The following CASP8 variants were observed in gnomAD, a reference collection of about 807,000 sequenced individuals.
CASP8 encodes the protein caspase 8.
Under a neutral mutation model 46.3 loss-of-function variants are expected in CASP8, and 24 were observed. That is an observed-to-expected ratio of 0.52 (90% CI 0.38 to 0.73). The LOEUF (loss-of-function observed/expected upper bound fraction) is 0.73, where lower values mean the gene tolerates loss of function less well. CASP8 is among the 30% of genes least tolerant of loss of function. The probability of loss-of-function intolerance (pLI) is 0.00; values close to 1 mark genes in which losing one functional copy is unlikely to be tolerated. For synonymous variants in CASP8, 188 were observed against 200.4 expected, an observed-to-expected ratio of 0.94 and a Z score of 0.52; for missense variants, 460 against 559.0, an observed-to-expected ratio of 0.82 and a Z score of 1.79.
intron 1 of CASP8, among the ~76,000 whole-genome samples, chr2:201,264,083 C>A (rs1947619009): frequency 6.6e-6 from 1 of 152,170 alleles, no homozygotes. Flanking sequence ...ATGTACTGAT[C>A]AATACATTAT....
chr2:201,272,846 A>G lies in CASP8; in HGVS notation c.551-52A>G. 1.2e-6 allele frequency: 2 copies of G among 1,613,598 alleles called. No individual in the cohort carries two copies. Among genetic ancestry groups the G allele is most frequent in the Non-Finnish European group, 1.7e-6 (2 of 1,179,452 alleles). On this transcript the variant is annotated intron_variant, in intron 4 of 8. Transcript: ENST00000673742. This position sits in a 1 kb window ranked among gnomAD's most constrained non-coding sequence, Gnocchi z 4.4. ...AATTGAAACTGACAAATCGCTCCATATCACAGTTGTTTCTAATCAAATATT... is the reference window on the plus strand; with the variant it reads ...AATTGAAACTGACAAATCGCTCCATGTCACAGTTGTTTCTAATCAAATATT...
intron 2 of CASP8, among the ~76,000 whole-genome samples, chr2:201,245,918 AGTGCAATG>A (rs1946497359): frequency 7.8e-6 from 1 of 128,158 alleles, no homozygotes; most frequent in Non-Finnish European, 1.5e-5. Context: ...CCCAGACTGG[AGTGCAATG>A]GTGCAATCTC....
In CASP8 at chr2:201,266,309, A is replaced by T; in HGVS notation, c.-26-152A>T. 3 of 658,614 alleles carry T rather than the reference A, an allele frequency of 4.6e-6. No individual in the cohort carries two copies. Among genetic ancestry groups the T allele is most frequent in the Non-Finnish European group, 5.3e-6 (2 of 379,234 alleles). 40.8% of individuals were successfully genotyped at this position (658,614 alleles called of 1,614,324 possible). A position where few individuals can be genotyped will look rare whatever the true frequency, so the allele number is the denominator to read the frequency against. On this transcript the variant is annotated intron_variant, in intron 1 of 8. Coordinates refer to ENST00000673742, the MANE Select transcript of CASP8 (RefSeq NM_001372051.1). The surrounding 1 kb of genome is among the most constrained non-coding windows in gnomAD (Gnocchi z 5.7). ...CTTGTTTGTATGTCTACCTTCCTAA[A>T]CAGTAAGAGGGAACTTGTCTGGTGT...
At chr2:201,234,378 C>T (rs35818142) in intron 2 of CASP8, among the ~76,000 whole-genome samples, 2,617 of 152,222 alleles carry the variant, frequency 0.017, 80 homozygotes, top group African/African-American at 0.06. Context: ...GTGGAGGAGC[C>T]GCAGGGGATA....
At chr2:201,233,870 C>T (rs565573003) in intron 1 of CASP8, 1 of 152,422 alleles carries the variant, frequency 6.6e-6, no homozygotes, top group East Asian at 1.9e-4. Context: ...CTGGCTGCTT[C>T]TAGAAGTCTG....
At chr2:201,258,326 A>G, upstream of CASP8, 3 of 1,613,894 alleles carry the variant, frequency 1.9e-6, no homozygotes, top group Non-Finnish European at 2.5e-6. Context: ...GAGCACGTGG[A>G]GTTAGGCAGG....
intron 5 of CASP8, 118 bp downstream of exon 5, chr2:201,273,060 T>TTC: frequency 4.2e-6 from 2 of 470,946 alleles, no homozygotes; most frequent in South Asian, 2.9e-5. Context: ...TACTTTTTCT[T>TTC]TTTTTTTTTT....
upstream of CASP8, among the ~76,000 whole-genome samples, chr2:201,259,758 T>C (rs545760999): frequency 1.1e-4 from 16 of 152,220 alleles, no homozygotes; most frequent in South Asian, 3.1e-3. Flanking sequence ...GATTTGCTTC[T>C]TTGATAAGAT....
chr2:201,239,155 C>T (rs1057407742), intron 2 of CASP8, among the ~76,000 whole-genome samples: 21 of 152,308 alleles, frequency 1.4e-4, no homozygotes, highest in African/African-American at 4.8e-4. Flanking sequence ...GAAAAGTCTC[C>T]CATGTCTACC....
chr2:201,253,292 T>C (rs1469111821), intron 2 of CASP8, among the ~76,000 whole-genome samples: 10 of 112,070 alleles, frequency 8.9e-5, no homozygotes, highest in African/African-American at 3.3e-4. Context: ...CCTAGCCTGA[T>C]CTTTTTTTTT....
intron 1 of CASP8, among the ~76,000 whole-genome samples, chr2:201,263,493 G>A (rs534318355): frequency 6.6e-6 from 1 of 152,338 alleles, no homozygotes; most frequent in South Asian, 2.1e-4. Context: ...AAGGAAAAAT[G>A]TGTATGCATA....
chr2:201,238,407 C>CATTT (rs1371252699), intron 2 of CASP8, among the ~76,000 whole-genome samples: 2 of 152,172 alleles, frequency 1.3e-5, no homozygotes, highest in South Asian at 2.1e-4. Context: ...AACCCTGAAA[C>CATTT]ATTTATTTAT....
chr2:201,282,010 A>G (rs2125399750), intron 7 of CASP8: 1 of 283,130 alleles, frequency 3.5e-6, no homozygotes, highest in East Asian at 1.0e-4. Context: ...GTCACAGGAC[A>G]ATAGTGGAGG....
chr2:201,269,458 A>G, intron 2 of CASP8: 1 of 1,297,542 alleles, frequency 7.7e-7, no homozygotes, highest in Non-Finnish European at 1.1e-6. Context: ...CCCCAGAACA[A>G]GGAAAGCCGA....
intron 2 of CASP8, among the ~76,000 whole-genome samples, chr2:201,243,367 T>C (rs2124925335): frequency 6.6e-6 from 1 of 152,334 alleles, no homozygotes; most frequent in Non-Finnish European, 1.5e-5. Context: ...CACAAGACAA[T>C]TTCTGTTATT....
In CASP8 at chr2:201,266,389, T is replaced by C; in HGVS notation, c.-26-72T>C. On this transcript the variant is annotated intron_variant, in intron 1 of 8. Coordinates refer to ENST00000673742, the MANE Select transcript of CASP8 (RefSeq NM_001372051.1). The surrounding 1 kb of genome is among the most constrained non-coding windows in gnomAD (Gnocchi z 5.7). ...AATGACCAGTACCTAGTAGTTGCAG[T>C]AGCCTTTGATGAACAAGCCAGCAAA... The C allele has an allele frequency of 2.6e-6, 3 of 1,171,344 alleles. No homozygotes were observed. The highest frequency in any genetic ancestry group is 3.8e-6 in the Non-Finnish European group (3 of 785,674). The allele number at this position is 1,171,344 out of a possible 1,614,324, so 72.6% of individuals were successfully genotyped here.
In CASP8 at chr2:201,244,944, C is replaced by T. The variant is rs796136469; in HGVS notation, c.-27+10832C>T. Among the ~76,000 whole-genome samples, 22 of 152,310 alleles carry T rather than the reference C, an allele frequency of 1.4e-4. No homozygotes were observed. In the East Asian group the frequency reaches 2.9e-3, roughly 20 times the overall value. On this transcript the variant is annotated intron_variant, in intron 2 of 6. Coordinates refer to the CASP8 transcript ENST00000264274. ...CCCTTTGAGGAATGCCACACTGGGA[C>T]CCCAGACTGTTCCCCTGAGATGCAT... is the stretch of plus-strand genomic sequence containing the variant.
At chr2:201,274,385 T>A (rs556081157) in intron 5 of CASP8, among the ~76,000 whole-genome samples, 1 of 152,346 alleles carries the variant, frequency 6.6e-6, no homozygotes, top group South Asian at 2.1e-4. Flanking sequence ...CTTGATCTTG[T>A]GTTTCCAGAA....
At position 201,285,093 on chromosome 2, in the gene CASP8, T is replaced by C. The variant is rs537958027; in HGVS notation, c.1080T>C (p.Cys360=). The change falls in exon 8 of 9, where the codon TGT becomes TGC. Residue 360 remains cysteine (C), a synonymous_variant. Coordinates refer to ENST00000673742, the MANE Select transcript of CASP8 (RefSeq NM_001372051.1). The part of the protein sequence containing the change: ...GKPKVFFIQA[C]QGDNYQKGIP... ...CCAAAGTGTTTTTTATTCAGGCTTGTCAGGGGGATAACTACCAGAAAGGTA... is the reference window on the plus strand; with the variant it reads ...CCAAAGTGTTTTTTATTCAGGCTTGCCAGGGGGATAACTACCAGAAAGGTA... The C allele has an allele frequency of 6.2e-7, 1 of 1,614,150 alleles. No homozygotes were observed. The highest frequency in any genetic ancestry group is 1.3e-5 in the African/African-American group (1 of 75,034).
Sources: allele counts gnomAD v4.1 joint callset (sites outside exome capture counted in the v4.1 genomes callset), GRCh38; gene constraint gnomAD v4.1.1; non-coding constraint Gnocchi (gnomAD v3.1); transcripts MANE v1.5; gene names NCBI Gene and HGNC (gene_info 2026-07-23, HGNC 2026-07-21).